The following FAM114A2 variants were observed in gnomAD, a reference collection of about 807,000 sequenced individuals.
FAM114A2 encodes the protein family with sequence similarity 114 member A2.
In FAM114A2, 53 loss-of-function variants were observed where a neutral mutation model predicts 58.4. That is an observed-to-expected ratio of 0.91 (90% CI 0.73 to 1.14). The LOEUF is 1.14. Among genes scored for constraint, FAM114A2 ranks in the 50% most tolerant of loss-of-function variants. FAM114A2 has a pLI of 0.00. For missense variants in FAM114A2, 601 were observed against 581.1 expected (o/e 1.03, Z -0.35); for synonymous variants, 228 against 211.4 (o/e 1.08, Z -0.68).
chr5:154,035,488 A>G (rs1267665243), intron 1 of FAM114A2, among the ~76,000 whole-genome samples: 1 of 152,186 alleles, frequency 6.6e-6, no homozygotes, highest in African/African-American at 2.4e-5. Flanking sequence ...ACTCAGCATA[A>G]GCCCCTCAAG....
chr5:154,031,312 C>CAAAAAAAAAAAAAAAAAAAA (rs59757780), intron 4 of FAM114A2, among the ~76,000 whole-genome samples: 2 of 47,840 alleles, frequency 4.2e-5, no homozygotes, highest in Non-Finnish European at 6.7e-5. Flanking sequence ...ACTCCCTCTC[C>CAAAAAAAAAAAAAAAAAAAA]AAAAAAAAAA....
At position 153,994,989 on chromosome 5, in the gene FAM114A2, ATTT is replaced by A. The variant is rs779500600; in HGVS notation, c.1330-20_1330-18del. 132 of 1,584,348 alleles carry A rather than the reference ATTT, an allele frequency of 8.3e-5. No individual in the cohort carries two copies. The Middle Eastern group carries it at 2.7e-3, about 32-fold the overall frequency. On this transcript the variant is annotated intron_variant, in intron 12 of 13. Transcript: ENST00000351797. Reference sequence around the variant, plus strand: ...TTCTTTGACCTGGAATAACGAATACATTTTTAAGTGAGCAGAGTAGGTTAAATA... The same window carrying A: ...TTCTTTGACCTGGAATAACGAATACATTAAGTGAGCAGAGTAGGTTAAATA...
At chr5:154,020,583 A>G (rs546453992) in intron 8 of FAM114A2, among the ~76,000 whole-genome samples, 1 of 152,336 alleles carries the variant, frequency 6.6e-6, no homozygotes, top group African/African-American at 2.4e-5. Context: ...ACGCCCTCCC[A>G]AGACTAAACC....
At chr5:154,010,822 G>C (rs1770643445) in intron 9 of FAM114A2, among the ~76,000 whole-genome samples, 1 of 152,110 alleles carries the variant, frequency 6.6e-6, no homozygotes, top group African/African-American at 2.4e-5. Flanking sequence ...TGAGTCACTG[G>C]GCTCTGGGTA....
At chr5:154,019,292 C>G (rs1030298050) in intron 8 of FAM114A2, among the ~76,000 whole-genome samples, 12 of 151,946 alleles carry the variant, frequency 7.9e-5, no homozygotes, top group African/African-American at 2.2e-4. Flanking sequence ...TTTACAATAG[C>G]TGCAAAAAAA....
chr5:154,009,864 G>C (rs532265054), intron 9 of FAM114A2, among the ~76,000 whole-genome samples: 1 of 152,242 alleles, frequency 6.6e-6, no homozygotes, highest in South Asian at 2.1e-4. Context: ...AAAGTACATG[G>C]CAACTAAATA....
At chr5:153,998,592 C>T (rs1412972830) in intron 11 of FAM114A2, among the ~76,000 whole-genome samples, 1 of 152,216 alleles carries the variant, frequency 6.6e-6, no homozygotes, top group Admixed American at 6.5e-5. Context: ...TGTTGTGGAG[C>T]AGTACATGGC....
chr5:153,992,687 A>G lies in FAM114A2; in HGVS notation c.*289T>C. 1 of 230,196 alleles carries G rather than the reference A, an allele frequency of 4.3e-6. No homozygotes were observed. The allele number at this position is 230,196 out of a possible 1,614,324, so 14.3% of individuals were successfully genotyped here. On this transcript the variant is annotated 3_prime_UTR_variant, in exon 14 of 14. Transcript: ENST00000351797. ...TGCAACATGTCAAAGAAAGACCAAC[A>G]TTTTTGCCTGAGTGTCCCACTAATC...
At chr5:154,023,663 G>A (rs1048019959) in intron 8 of FAM114A2, among the ~76,000 whole-genome samples, 33 of 151,992 alleles carry the variant, frequency 2.2e-4, no homozygotes, top group African/African-American at 8.0e-4. Flanking sequence ...CTGCTCAGGT[G>A]CACAAATTGG....
rs114949088 is a variant in FAM114A2, at chr5:153,994,659, C to T, written c.1383+260G>A. On this transcript the variant is annotated intron_variant, in intron 13 of 13. Transcript: ENST00000351797. Reference sequence around the variant, plus strand: ...CAGAAGGTGTTTCATTACTGTGAACCGTCCATTAAGCTGTCAAGGATTAGT... The same window carrying T: ...CAGAAGGTGTTTCATTACTGTGAACTGTCCATTAAGCTGTCAAGGATTAGT... The T allele has an allele frequency of 2.7e-3, 892 of 325,912 alleles. 10 individuals carry two copies. The highest frequency in any genetic ancestry group is 0.013 in the African/African-American group (644 of 48,264). 20.2% of individuals were successfully genotyped at this position (325,912 alleles called of 1,614,324 possible).
At chr5:153,996,592 T>G (rs573449214) in intron 12 of FAM114A2, among the ~76,000 whole-genome samples, 83 of 149,806 alleles carry the variant, frequency 5.5e-4, no homozygotes, top group Middle Eastern at 3.5e-3. Flanking sequence ...AAAAATCTCC[T>G]ACAAGTAATA....
At position 153,998,165 on chromosome 5, in the gene FAM114A2, T is replaced by C. The variant is rs374268991; in HGVS notation, c.1257-290A>G. On this transcript the variant is annotated intron_variant, in intron 11 of 13. Transcript: ENST00000351797. ...TTGAGTAGTGTGATGAAATCTCTCA[T>C]TGTTTTCTCCATCCCACCCAGGACA... 2.6e-5 allele frequency among the ~76,000 whole-genome samples: 4 copies of C among 152,346 alleles called. No homozygotes were observed. In the South Asian group the frequency reaches 6.2e-4, roughly 24 times the overall value.
chr5:153,995,610 T>C (rs985246798), intron 12 of FAM114A2, among the ~76,000 whole-genome samples: 3 of 152,156 alleles, frequency 2.0e-5, no homozygotes, highest in Non-Finnish European at 4.4e-5. Flanking sequence ...GACTAGGGCT[T>C]TAAAATAAAT....
At chr5:154,034,720 T>C in intron 2 of FAM114A2, 24 bp downstream of exon 2, 4 of 1,515,778 alleles carry the variant, frequency 2.6e-6, no homozygotes, top group South Asian at 2.3e-5. Flanking sequence ...ATAGATACCC[T>C]ACTTTTTCTG....
intron 8 of FAM114A2, among the ~76,000 whole-genome samples, chr5:154,018,544 C>T (rs12516213): frequency 2.6e-5 from 4 of 152,100 alleles, no homozygotes; most frequent in Non-Finnish European, 4.4e-5. Flanking sequence ...GGAACCCTCA[C>T]TAAATCATTC....
chr5:154,021,140 C>T (rs1386666827), intron 8 of FAM114A2, among the ~76,000 whole-genome samples: 2 of 152,250 alleles, frequency 1.3e-5, no homozygotes, highest in South Asian at 2.1e-4. Context: ...ATTGATGGAA[C>T]GTATCTCAAA....
chr5:153,994,340 C>T (rs938631829), intron 13 of FAM114A2, among the ~76,000 whole-genome samples: 3 of 152,142 alleles, frequency 2.0e-5, no homozygotes, highest in African/African-American at 7.2e-5. Context: ...AGTTAGTTTA[C>T]AAGGTAGAGT....
intron 6 of FAM114A2, 143 bp downstream of exon 6, chr5:154,028,006 T>C: frequency 4.6e-6 from 3 of 652,538 alleles, no homozygotes; most frequent in Non-Finnish European, 7.8e-6. Flanking sequence ...CTCTCACCCA[T>C]CCCTGATCCC....
intron 4 of FAM114A2, among the ~76,000 whole-genome samples, chr5:154,030,714 C>A (rs567619055): frequency 6.6e-6 from 1 of 152,316 alleles, no homozygotes; most frequent in South Asian, 2.1e-4. Context: ...CTAAAAAGTT[C>A]TAAGAATCCG....
Sources: gnomAD v4.1 joint callset for allele counts (sites outside exome capture counted in the v4.1 genomes callset) on GRCh38, gnomAD v4.1.1 for gene constraint, MANE v1.5 for transcripts, NCBI Gene and HGNC (gene_info 2026-07-23, HGNC 2026-07-21) for gene names.